PPP1R36: variants seen among roughly 807,000 people sequenced by gnomAD.
The protein encoded by PPP1R36 is chromosome 14 open reading frame 50.
Under a neutral mutation model 53.4 loss-of-function variants are expected in PPP1R36, and 47 were observed. That is an observed-to-expected ratio of 0.88 (90% CI 0.70 to 1.12). PPP1R36 has a LOEUF of 1.12. Among genes scored for constraint, PPP1R36 ranks in the 50% most tolerant of loss-of-function variants. The probability of loss-of-function intolerance (pLI) is 0.00; values close to 1 mark genes in which losing one functional copy is unlikely to be tolerated. For synonymous variants in PPP1R36, 153 were observed against 170.5 expected (o/e 0.90, Z 0.80); for missense variants, 456 against 513.9 (o/e 0.89, Z 1.09).
chr14:64,566,603 T>G (rs537051157), intron 6 of PPP1R36, among the ~76,000 whole-genome samples: 2 of 152,310 alleles, frequency 1.3e-5, no homozygotes, highest in East Asian at 3.9e-4. Context: ...AGTAATTGTG[T>G]AATTGTGGGC....
intron 7 of PPP1R36, among the ~76,000 whole-genome samples, chr14:64,570,621 GA>G (rs1378667092): frequency 2.6e-5 from 4 of 152,258 alleles, no homozygotes; most frequent in Admixed American, 2.6e-4. Context: ...CTGCACAGAA[GA>G]AAAAAACTGA....
intron 4 of PPP1R36, among the ~76,000 whole-genome samples, chr14:64,565,115 T>C (rs948728837): frequency 6.6e-6 from 1 of 152,240 alleles, no homozygotes; most frequent in African/African-American, 2.4e-5. Flanking sequence ...ATTTAAATGA[T>C]CTATTTTGGA....
At chr14:64,584,673 C>T (rs2080416778) in intron 8 of PPP1R36, among the ~76,000 whole-genome samples, 1 of 152,064 alleles carries the variant, frequency 6.6e-6, no homozygotes, top group Non-Finnish European at 1.5e-5. Context: ...TCTGACAGGC[C>T]CGAGTTTTAG....
At chr14:64,575,523 A>G (rs2080334945) in intron 8 of PPP1R36, among the ~76,000 whole-genome samples, 1 of 152,180 alleles carries the variant, frequency 6.6e-6, no homozygotes, top group South Asian at 2.1e-4. Flanking sequence ...TCTGCATTGA[A>G]TATTCTTTGT....
intron 2 of PPP1R36, among the ~76,000 whole-genome samples, chr14:64,552,456 TC>T (rs1264338020): frequency 6.6e-6 from 1 of 152,130 alleles, no homozygotes; most frequent in African/African-American, 2.4e-5. Flanking sequence ...GCCACTGCGC[TC>T]CAGCCTGGGC....
chr14:64,576,563 A>T (rs1011745681), intron 8 of PPP1R36, among the ~76,000 whole-genome samples: 1 of 152,162 alleles, frequency 6.6e-6, no homozygotes, highest in Non-Finnish European at 1.5e-5. Context: ...TGATGTTTGC[A>T]TCGATATACT....
intron 8 of PPP1R36, among the ~76,000 whole-genome samples, chr14:64,579,686 T>C (rs540692079): frequency 6.6e-6 from 1 of 152,270 alleles, no homozygotes; most frequent in Admixed American, 6.5e-5. Context: ...AAACCTGCTC[T>C]TGGGCCAGGC....
intron 3 of PPP1R36, among the ~76,000 whole-genome samples, chr14:64,556,601 A>ATTT (rs753994540): frequency 4.1e-5 from 5 of 122,850 alleles, no homozygotes; most frequent in African/African-American, 6.2e-5. Context: ...TGTTCCCACA[A>ATTT]TTTTTTTTTT....
At chr14:64,558,467 T>C (rs1396370478) in intron 3 of PPP1R36, among the ~76,000 whole-genome samples, 1 of 151,978 alleles carries the variant, frequency 6.6e-6, no homozygotes, top group African/African-American at 2.4e-5. Context: ...TGGTTCCAGA[T>C]ACTTGGGAGG....
In PPP1R36 at chr14:64,587,270, T is replaced by G. The variant is rs747235209; in HGVS notation, c.788T>G (p.Val263Gly). ...CACTTGACAGAGATTGAAGAAGAAG[T>G]AGGGAGACTCTTTCGTACCAATATG... ...RQHLTEIEEE[V>G]GRLFRTNMFN... is the part of the protein sequence containing the mutation. Residue 263 changes from valine to glycine, a missense_variant, in exon 10 of 12, where the codon GTA (valine) becomes GGA (glycine). Transcript: ENST00000298705. 6.2e-7 allele frequency: 1 copy of G among 1,613,120 alleles called. No homozygotes were observed. The highest frequency in any genetic ancestry group is 8.5e-7 in the Non-Finnish European group (1 of 1,179,168).
chr14:64,587,310 C>G lies in PPP1R36; in HGVS notation c.828C>G (p.Arg276=). 1 of 1,613,838 alleles carries G rather than the reference C, an allele frequency of 6.2e-7. No homozygotes were observed. Among genetic ancestry groups the G allele is most frequent in the Admixed American group, 1.7e-5 (1 of 60,008 alleles). Reference sequence around the variant, plus strand: ...GTACCAATATGTTCAACATTCCTCGCAGGAGGCGTGAAGATGAGGAATCAG... The same window carrying G: ...GTACCAATATGTTCAACATTCCTCGGAGGAGGCGTGAAGATGAGGAATCAG... ...LFRTNMFNIP[R]RRREDEESGG... Residue 276 remains arginine (R), a synonymous_variant, in exon 10 of 12, where the codon CGC becomes CGG. Coordinates refer to ENST00000298705, the MANE Select transcript of PPP1R36 (RefSeq NM_172365.3).
At position 64,589,332 on chromosome 14, in the gene PPP1R36, T is replaced by G. The variant is rs1344971723; in HGVS notation, c.1263T>G (p.Pro421=). The change falls in exon 12 of 12, where the codon CCT becomes CCG. Residue 421 remains proline, a synonymous_variant. Transcript: ENST00000298705. ...CACTGTCCTCTCATACATCATGCCC[T>G]AAGTAACCTGGTACATTCCATATCT... The part of the protein sequence containing the change: ...MKTLSSHTSC[P]K 35 of 1,606,620 alleles carry G rather than the reference T, an allele frequency of 2.2e-5. No homozygotes were observed. The highest frequency in any genetic ancestry group is 2.8e-5 in the Non-Finnish European group (33 of 1,174,994).
chr14:64,576,078 CTTTTT>C (rs5809235), intron 8 of PPP1R36, among the ~76,000 whole-genome samples: 8 of 108,992 alleles, frequency 7.3e-5, no homozygotes, highest in East Asian at 2.8e-4. Context: ...GACTGAGTAT[CTTTTT>C]TTTTTTTTTT....
Position 64,587,199 on chromosome 14 carries a change from T to A in PPP1R36, c.717T>A (p.Phe239Leu). ...TTGTCTATTTTTTGTTGTAGTCCTT[T>A]TATACTTTCTGTACATATGTGGCTT... is the stretch of plus-strand genomic sequence containing the variant. Reference protein sequence around the residue: ...TQKDWKFFESFYTFCTYVAWI... With the variant: ...TQKDWKFFESLYTFCTYVAWI... Residue 239 changes from phenylalanine (F) to leucine (L), a missense_variant, in exon 10 of 12, where the codon TTT becomes TTA. Transcript: ENST00000298705. 6.2e-7 allele frequency: 1 copy of A among 1,605,020 alleles called. No homozygotes were observed. The highest frequency in any genetic ancestry group is 1.3e-5 in the African/African-American group (1 of 74,540).
At chr14:64,577,886 C>T (rs1325872659) in intron 8 of PPP1R36, among the ~76,000 whole-genome samples, 4 of 151,516 alleles carry the variant, frequency 2.6e-5, no homozygotes, top group South Asian at 2.1e-4. Context: ...CCACCACGCC[C>T]GGCTAATTTT....
intron 8 of PPP1R36, among the ~76,000 whole-genome samples, chr14:64,578,020 T>C (rs894038864): frequency 6.6e-6 from 1 of 151,108 alleles, no homozygotes; most frequent in Non-Finnish European, 1.5e-5. Context: ...CCACTGCACC[T>C]GGCCTTTTTT....
intron 3 of PPP1R36, 61 bp from the exon 4 acceptor site, chr14:64,564,690 T>G: frequency 9.1e-7 from 1 of 1,103,876 alleles, no homozygotes; most frequent in South Asian, 1.4e-5. Context: ...AGCTATGATA[T>G]GATTTGACTT....
chr14:64,579,896 G>A (rs2080373786), intron 8 of PPP1R36, among the ~76,000 whole-genome samples: 2 of 152,214 alleles, frequency 1.3e-5, no homozygotes. Flanking sequence ...CGTGAACCTG[G>A]GAGGCGCAGC....
intron 4 of PPP1R36, 104 bp downstream of exon 4, chr14:64,564,941 C>T (rs558516654): frequency 2.7e-5 from 20 of 736,446 alleles, no homozygotes; most frequent in Middle Eastern, 2.4e-4. Flanking sequence ...TATTCTAGGT[C>T]GCAATGCGAA....
Sources: gnomAD v4.1 joint callset for allele counts (sites outside exome capture counted in the v4.1 genomes callset) on GRCh38, gnomAD v4.1.1 for gene constraint, MANE v1.5 for transcripts, NCBI Gene and HGNC (gene_info 2026-07-23, HGNC 2026-07-21) for gene names.